KRABD2: variants seen among roughly 807,000 people sequenced by gnomAD.
KRABD2 encodes the protein KRAB domain containing 2.
the KRABD2 span, chr17:8,371,931 C>T: frequency 1.0e-6 from 1 of 991,582 alleles, no homozygotes; most frequent in Admixed American, 5.8e-5. Flanking sequence ...GTTGTCTAAA[C>T]TGGGATTCCT....
the KRABD2 span, chr17:8,359,708 G>C: frequency 2.4e-5 from 11 of 455,926 alleles, no homozygotes; most frequent in Admixed American, 2.6e-4. Flanking sequence ...GCAGTTTCAG[G>C]TGTCTGGACT....
the KRABD2 span, chr17:8,369,102 C>T: frequency 1.3e-6 from 2 of 1,578,742 alleles, no homozygotes; most frequent in African/African-American, 2.7e-5. Flanking sequence ...CTCAGAGAGA[C>T]ACCTGTGACT....
chr17:8,371,198 T>A, the KRABD2 span: 2 of 981,840 alleles, frequency 2.0e-6, no homozygotes, highest in African/African-American at 3.3e-5. Flanking sequence ...GGCTGAGGAG[T>A]CTGTCCTTAT....
chr17:8,360,623 C>A, the KRABD2 span, among the ~76,000 whole-genome samples: 1 of 152,184 alleles, frequency 6.6e-6, no homozygotes, highest in Admixed American at 6.5e-5. Context: ...TTTTGCCATC[C>A]GTCAACTTTT....
the KRABD2 span, chr17:8,365,501 G>A: frequency 6.6e-6 from 1 of 152,206 alleles, no homozygotes; most frequent in Non-Finnish European, 1.5e-5. Context: ...AAAACAAGCT[G>A]GAAAGTGATG....
At chr17:8,371,253 G>A in the KRABD2 span, 1,189 of 1,368,842 alleles carry the variant, frequency 8.7e-4, 2 homozygotes, top group Middle Eastern at 6.7e-3. Flanking sequence ...TTTAAATGAC[G>A]GTTTCCCCTT....
At chr17:8,366,824 G>T in the KRABD2 span, among the ~76,000 whole-genome samples, 1 of 151,732 alleles carries the variant, frequency 6.6e-6, no homozygotes, top group Non-Finnish European at 1.5e-5. Flanking sequence ...TAGGTTCAAG[G>T]GATCTTCCTA....
the KRABD2 span, among the ~76,000 whole-genome samples, chr17:8,360,894 T>C: frequency 6.6e-6 from 1 of 152,162 alleles, no homozygotes; most frequent in South Asian, 2.1e-4. Flanking sequence ...CATACTTCAA[T>C]GGTCTGTTGT....
At chr17:8,369,626 C>T in the KRABD2 span, 11 of 1,614,090 alleles carry the variant, frequency 6.8e-6, no homozygotes, top group African/African-American at 1.3e-4. Context: ...GGTTTGTGAA[C>T]TCAACGCCAC....
At chr17:8,372,063 G>A in the KRABD2 span, 6 of 985,440 alleles carry the variant, frequency 6.1e-6, no homozygotes, top group Admixed American at 6.2e-5. This position sits in a 1 kb window ranked among gnomAD's most constrained non-coding sequence, Gnocchi z 4.1. Context: ...GATGCAGAGC[G>A]GAGGGGCAGG....
chr17:8,372,042 C>T, the KRABD2 span: 2 of 985,588 alleles, frequency 2.0e-6, no homozygotes, highest in Non-Finnish European at 2.4e-6. This position sits in a 1 kb window ranked among gnomAD's most constrained non-coding sequence, Gnocchi z 4.1. Flanking sequence ...ATCCCGAGAT[C>T]CCAGCTGTCA....
At chr17:8,367,956 GCA>G in the KRABD2 span, among the ~76,000 whole-genome samples, 1 of 108,350 alleles carries the variant, frequency 9.2e-6, no homozygotes, top group South Asian at 3.3e-4. Context: ...AAAGTTAAGA[GCA>G]AAAAAAAAAA....
chr17:8,371,800 ATAT>A, the KRABD2 span: 4 of 1,164,092 alleles, frequency 3.4e-6, no homozygotes, highest in East Asian at 8.1e-5. Context: ...TCCAATGGAA[ATAT>A]TATATCTGTG....
chr17:8,363,795 TCATA>T, the KRABD2 span, among the ~76,000 whole-genome samples: 1 of 140,772 alleles, frequency 7.1e-6, no homozygotes, highest in Non-Finnish European at 1.5e-5. Context: ...TACATATATA[TCATA>T]CATATATATA....
chr17:8,363,209 T>G, the KRABD2 span, among the ~76,000 whole-genome samples: 1 of 152,060 alleles, frequency 6.6e-6, no homozygotes, highest in Non-Finnish European at 1.5e-5. Flanking sequence ...TTAGGGGAGA[T>G]TATTGACTCT....
the KRABD2 span, among the ~76,000 whole-genome samples, chr17:8,361,321 G>A: frequency 6.6e-6 from 1 of 152,178 alleles, no homozygotes; most frequent in African/African-American, 2.4e-5. Context: ...AACTGGAAGA[G>A]AACTTTAAAA....
At chr17:8,369,035 G>A in the KRABD2 span, 2 of 1,491,248 alleles carry the variant, frequency 1.3e-6, no homozygotes, top group Non-Finnish European at 1.8e-6. Flanking sequence ...TGACCTGAGA[G>A]TGCAGCCTTC....
At chr17:8,366,581 A>C in the KRABD2 span, among the ~76,000 whole-genome samples, 1 of 152,176 alleles carries the variant, frequency 6.6e-6, no homozygotes, top group Non-Finnish European at 1.5e-5. Flanking sequence ...GCAGTTACAC[A>C]ATTATCTGTG....
chr17:8,376,311 CAA>C, the KRABD2 span: 2 of 1,223,016 alleles, frequency 1.6e-6, no homozygotes, highest in African/African-American at 3.1e-5. Context: ...CTGACTAAAG[CAA>C]AGTTACTGAG....
Sources: gnomAD v4.1 joint callset for allele counts (sites outside exome capture counted in the v4.1 genomes callset) on GRCh38, gnomAD v4.1.1 for gene constraint, Gnocchi (gnomAD v3.1) non-coding constraint, MANE v1.5 for transcripts, NCBI Gene and HGNC (gene_info 2026-07-23, HGNC 2026-07-21) for gene names.